The following SV2C variants were observed in gnomAD, a reference collection of about 807,000 sequenced individuals.
The protein encoded by SV2C is synaptic vesicle glycoprotein 2C, also known as solute carrier family 22 member B3.
SV2C carries 49 observed loss-of-function variants against 79.7 expected under a neutral mutation model. The ratio of observed to expected loss-of-function variants is 0.61; its 90% CI spans 0.49 to 0.78. The LOEUF is 0.78. Ranked by LOEUF, SV2C falls within the 30% of genes least tolerant of loss-of-function variation. The probability of loss-of-function intolerance (pLI) is 0.00; values close to 1 mark genes in which losing one functional copy is unlikely to be tolerated. For missense variants in SV2C, 833 were observed against 912.9 expected, an observed-to-expected ratio of 0.91 and a Z score of 1.13; for synonymous variants, 334 against 333.2, an observed-to-expected ratio of 1.00 and a Z score of -0.03.
the SV2C span, among the ~76,000 whole-genome samples, chr5:75,893,261 C>T: frequency 1.3e-5 from 2 of 151,888 alleles, no homozygotes; most frequent in African/African-American, 4.8e-5. Context: ...GTCCACTTTT[C>T]AATGGCATTA....
chr5:76,194,034 T>C (rs2112325952), intron 2 of SV2C, among the ~76,000 whole-genome samples: 1 of 152,310 alleles, frequency 6.6e-6, no homozygotes, highest in South Asian at 2.1e-4. Context: ...GTGTTACTCA[T>C]GCTTTCTGTA....
In SV2C at chr5:76,285,831, C is replaced by T; in HGVS notation, c.1098C>T (p.Thr366=). The change falls in exon 6 of 13, where the codon ACC becomes ACT. Residue 366 remains threonine (T), a synonymous_variant. Coordinates refer to ENST00000502798, the MANE Select transcript of SV2C (RefSeq NM_014979.4). ...AWMILKLIHD[T]NMRARGQPEK... is the part of the protein sequence containing the mutation. ...TGATTCTGAAGTTAATTCATGACAC[C>T]AACATGAGAGCCCGGGGTCAGCCTG... The T allele has an allele frequency of 3.1e-6, 5 of 1,614,040 alleles. No homozygotes were observed. Among genetic ancestry groups the T allele is most frequent in the Non-Finnish European group, 4.2e-6 (5 of 1,179,984 alleles).
the SV2C span, among the ~76,000 whole-genome samples, chr5:75,871,290 T>A: frequency 6.6e-6 from 1 of 152,132 alleles, no homozygotes; most frequent in Non-Finnish European, 1.5e-5. Flanking sequence ...GCCCAACAGT[T>A]AGGCAATGAA....
chr5:76,153,112 C>T (rs748299464), intron 2 of SV2C, among the ~76,000 whole-genome samples: 1 of 152,182 alleles, frequency 6.6e-6, no homozygotes, highest in Non-Finnish European at 1.5e-5. Context: ...TTGCTTCCTC[C>T]AAACCCTCTG....
intron 4 of SV2C, among the ~76,000 whole-genome samples, chr5:76,247,910 C>T (rs1210418411): frequency 6.6e-6 from 1 of 152,156 alleles, no homozygotes. Flanking sequence ...CAGCTCTCAG[C>T]CATCCCTTCC....
chr5:76,148,415 G>A (rs1226026503), intron 2 of SV2C, among the ~76,000 whole-genome samples: 3 of 151,992 alleles, frequency 2.0e-5, no homozygotes, highest in Non-Finnish European at 4.4e-5. Flanking sequence ...ATGGTCACTG[G>A]CCGTGACTAT....
chr5:76,281,991 A>G (rs1228396714), intron 4 of SV2C, among the ~76,000 whole-genome samples: 1 of 152,216 alleles, frequency 6.6e-6, no homozygotes, highest in Non-Finnish European at 1.5e-5. Flanking sequence ...GGAATATTCT[A>G]CCATAAGAAG....
At chr5:76,220,558 G>GCTACT (rs1308308085) in intron 4 of SV2C, among the ~76,000 whole-genome samples, 9 of 147,718 alleles carry the variant, frequency 6.1e-5, no homozygotes, top group Non-Finnish European at 3.0e-5. Context: ...TATAATTCCA[G>GCTACT]CTACTTGTGA....
At chr5:76,337,016 T>A (rs1304908326), downstream of SV2C, among the ~76,000 whole-genome samples, 1 of 152,094 alleles carries the variant, frequency 6.6e-6, no homozygotes, top group Admixed American at 6.5e-5. Context: ...CAAGGCAACA[T>A]AAGTCTTGAG....
At chr5:75,981,483 G>A in the SV2C span, among the ~76,000 whole-genome samples, 1 of 152,234 alleles carries the variant, frequency 6.6e-6, no homozygotes, top group African/African-American at 2.4e-5. Flanking sequence ...TACAGCTACA[G>A]TAAACAAACA....
the SV2C span, among the ~76,000 whole-genome samples, chr5:75,903,844 C>A: frequency 6.6e-6 from 1 of 152,224 alleles, no homozygotes; most frequent in East Asian, 1.9e-4. Context: ...AAATTATTGA[C>A]AATTACATAT....
intron 1 of SV2C, among the ~76,000 whole-genome samples, chr5:76,106,405 A>G (rs547420158): frequency 6.6e-6 from 1 of 152,222 alleles, no homozygotes; most frequent in East Asian, 1.9e-4. Context: ...AACCAGAGCA[A>G]TCTCTTAAAA....
the SV2C span, among the ~76,000 whole-genome samples, chr5:75,991,790 A>G: frequency 6.6e-6 from 1 of 151,748 alleles, no homozygotes; most frequent in Non-Finnish European, 1.5e-5. Context: ...TGATCCAGTA[A>G]TTTAGCCAGC....
intron 12 of SV2C, among the ~76,000 whole-genome samples, chr5:76,315,561 A>T (rs761169099): frequency 5.9e-5 from 9 of 152,172 alleles, no homozygotes; most frequent in Admixed American, 1.3e-4. Context: ...CCTGGACCTA[A>T]ACAAGGCTAA....
chr5:75,933,439 T>C, the SV2C span, among the ~76,000 whole-genome samples: 1 of 152,206 alleles, frequency 6.6e-6, no homozygotes, highest in Non-Finnish European at 1.5e-5. Context: ...TAGTTGATAT[T>C]CAATAAATAC....
chr5:76,081,518 T>C (rs901381011), upstream of SV2C, among the ~76,000 whole-genome samples: 1 of 152,122 alleles, frequency 6.6e-6, no homozygotes, highest in Non-Finnish European at 1.5e-5. Context: ...ATTATTTAAA[T>C]TATTTAACTA....
the SV2C span, among the ~76,000 whole-genome samples, chr5:76,020,603 T>C: frequency 2.0e-5 from 3 of 152,196 alleles, no homozygotes; most frequent in Non-Finnish European, 4.4e-5. Context: ...CTCTCAGAGG[T>C]AGTGAATGTC....
intron 4 of SV2C, among the ~76,000 whole-genome samples, chr5:76,227,322 G>T (rs549192219): frequency 6.6e-6 from 1 of 152,268 alleles, no homozygotes; most frequent in African/African-American, 2.4e-5. Flanking sequence ...CCAAGCCAGG[G>T]TATGGTTTCT....
At chr5:76,271,101 A>G (rs1473220265) in intron 4 of SV2C, among the ~76,000 whole-genome samples, 1 of 152,192 alleles carries the variant, frequency 6.6e-6, no homozygotes, top group Non-Finnish European at 1.5e-5. Context: ...TGAAATTATC[A>G]GGCAAGAAGA....
Sources: gnomAD v4.1 joint callset for allele counts (sites outside exome capture counted in the v4.1 genomes callset) on GRCh38, gnomAD v4.1.1 for gene constraint, MANE v1.5 for transcripts, NCBI Gene and HGNC (gene_info 2026-07-23, HGNC 2026-07-21) for gene names.